Variants in SCHIP1 observed in about 807,000 individuals in gnomAD.
SCHIP1 encodes the protein schwannomin interacting protein 1, also known as schwannomin-interacting protein 1.
Under a neutral mutation model 29.7 loss-of-function variants are expected in SCHIP1, and 8 were observed. The ratio of observed to expected loss-of-function variants is 0.27; its 90% CI spans 0.16 to 0.49. SCHIP1 has a LOEUF of 0.49. Among genes scored for constraint, SCHIP1 ranks in the 20% least tolerant of loss-of-function variants. The pLI is 0.99. For missense variants in SCHIP1, 193 were observed against 294.6 expected, an observed-to-expected ratio of 0.66 and a Z score of 2.52; for synonymous variants, 76 against 94.9, an observed-to-expected ratio of 0.80 and a Z score of 1.16.
At chr3:159,717,802 C>G in the SCHIP1 span, among the ~76,000 whole-genome samples, 1 of 152,154 alleles carries the variant, frequency 6.6e-6, no homozygotes, top group Non-Finnish European at 1.5e-5. Context: ...TCCAGAGGTA[C>G]AAAGAGGAGC....
chr3:159,522,379 A>G, the SCHIP1 span, among the ~76,000 whole-genome samples: 3 of 152,252 alleles, frequency 2.0e-5, no homozygotes, highest in Non-Finnish European at 4.4e-5. Flanking sequence ...GTGTGTCTCA[A>G]GATGTCCTAT....
the SCHIP1 span, among the ~76,000 whole-genome samples, chr3:159,288,015 A>T: frequency 1.3e-5 from 2 of 152,194 alleles, no homozygotes; most frequent in East Asian, 3.8e-4. Flanking sequence ...AAAAGATGAG[A>T]AAGAGAAGAA....
the SCHIP1 span, among the ~76,000 whole-genome samples, chr3:159,394,459 G>A: frequency 6.6e-6 from 1 of 152,130 alleles, no homozygotes; most frequent in African/African-American, 2.4e-5. Flanking sequence ...GTTTGTCATA[G>A]ATAGCTCTTA....
chr3:159,399,168 TTTA>T, the SCHIP1 span, among the ~76,000 whole-genome samples: 1 of 152,130 alleles, frequency 6.6e-6, no homozygotes, highest in South Asian at 2.1e-4. Flanking sequence ...CACAGCCAAT[TTTA>T]TTATCTCCTT....
the SCHIP1 span, among the ~76,000 whole-genome samples, chr3:159,783,569 T>C: frequency 6.6e-6 from 1 of 152,228 alleles, no homozygotes; most frequent in Non-Finnish European, 1.5e-5. Flanking sequence ...ATTTGAAATA[T>C]TTTTATGCTG....
chr3:159,446,253 T>C, the SCHIP1 span, among the ~76,000 whole-genome samples: 200 of 152,182 alleles, frequency 1.3e-3, no homozygotes, highest in East Asian at 0.037. Context: ...CCCACTAATA[T>C]TGTTATAATG....
the SCHIP1 span, among the ~76,000 whole-genome samples, chr3:159,823,535 G>A: frequency 5.3e-5 from 8 of 152,260 alleles, no homozygotes; most frequent in East Asian, 1.5e-3. Flanking sequence ...GGCCAGCGTG[G>A]GTCCCAGCAG....
At chr3:159,501,664 T>G in the SCHIP1 span, among the ~76,000 whole-genome samples, 1 of 152,224 alleles carries the variant, frequency 6.6e-6, no homozygotes, top group Non-Finnish European at 1.5e-5. Context: ...TCTCAAATTA[T>G]GATTACTCAA....
the SCHIP1 span, among the ~76,000 whole-genome samples, chr3:159,681,620 G>A: frequency 8.9e-4 from 135 of 152,162 alleles, no homozygotes; most frequent in Non-Finnish European, 1.7e-3. Context: ...TTTTGTGCCT[G>A]AATAATAGTC....
At chr3:159,855,011 G>A (rs557673187) in intron 1 of SCHIP1, among the ~76,000 whole-genome samples, 3 of 152,272 alleles carry the variant, frequency 2.0e-5, no homozygotes, top group African/African-American at 4.8e-5. Flanking sequence ...ATTGCACTGT[G>A]TAACCCATTA....
the SCHIP1 span, among the ~76,000 whole-genome samples, chr3:159,298,357 T>C: frequency 1.3e-5 from 2 of 152,214 alleles, no homozygotes; most frequent in Non-Finnish European, 2.9e-5. Flanking sequence ...AAATCAACCA[T>C]ATAGACCTAG....
the SCHIP1 span, among the ~76,000 whole-genome samples, chr3:159,832,189 T>C: frequency 6.6e-6 from 1 of 152,098 alleles, no homozygotes; most frequent in Admixed American, 6.5e-5. Flanking sequence ...AGGGACCAGA[T>C]CAAGGCCACC....
chr3:159,475,774 C>A, the SCHIP1 span, among the ~76,000 whole-genome samples: 1 of 152,086 alleles, frequency 6.6e-6, no homozygotes, highest in African/African-American at 2.4e-5. Context: ...AAATTTTCTT[C>A]CATTAGCTAG....
At chr3:159,469,064 C>T in the SCHIP1 span, among the ~76,000 whole-genome samples, 1 of 151,932 alleles carries the variant, frequency 6.6e-6, no homozygotes, top group African/African-American at 2.4e-5. Flanking sequence ...CTGTGCCTGG[C>T]CAATCACAAG....
the SCHIP1 span, among the ~76,000 whole-genome samples, chr3:159,827,942 C>A: frequency 6.6e-6 from 1 of 151,300 alleles, no homozygotes; most frequent in African/African-American, 2.4e-5. Flanking sequence ...TGTCCATGAT[C>A]AATGTAAAAA....
At chr3:159,709,034 G>C in the SCHIP1 span, among the ~76,000 whole-genome samples, 3 of 151,530 alleles carry the variant, frequency 2.0e-5, no homozygotes, top group Non-Finnish European at 4.4e-5. Flanking sequence ...GCCTTCTCAG[G>C]CATAGAGTAG....
the SCHIP1 span, among the ~76,000 whole-genome samples, chr3:159,547,513 G>A: frequency 9.2e-4 from 140 of 152,288 alleles, no homozygotes; most frequent in African/African-American, 3.2e-3. Context: ...GAATGGTATT[G>A]CATAGGTTTT....
chr3:159,687,889 C>A, the SCHIP1 span, among the ~76,000 whole-genome samples: 24 of 152,246 alleles, frequency 1.6e-4, no homozygotes, highest in African/African-American at 5.3e-4. Flanking sequence ...CTGAGAATGA[C>A]GGTTTCCAGC....
At chr3:159,624,943 A>C in the SCHIP1 span, among the ~76,000 whole-genome samples, 1 of 152,214 alleles carries the variant, frequency 6.6e-6, no homozygotes, top group Non-Finnish European at 1.5e-5. Flanking sequence ...CTGAGATGAA[A>C]GTTTGCAATG....
Sources: gnomAD v4.1 joint callset for allele counts (sites outside exome capture counted in the v4.1 genomes callset) on GRCh38, gnomAD v4.1.1 for gene constraint, MANE v1.5 for transcripts, NCBI Gene and HGNC (gene_info 2026-07-23, HGNC 2026-07-21) for gene names.